The following RBFOX3 variants were observed in gnomAD, a reference collection of about 807,000 sequenced individuals.
RBFOX3 encodes the protein RNA binding protein fox-1 homolog 3.
RBFOX3 carries 17 observed loss-of-function variants against 48.7 expected under a neutral mutation model. That is an observed-to-expected ratio of 0.35 (90% CI 0.24 to 0.52). The LOEUF (loss-of-function observed/expected upper bound fraction) is 0.52. Among genes scored for constraint, RBFOX3 ranks in the 20% least tolerant of loss-of-function variants. The pLI is 0.94. For missense variants in RBFOX3, 382 were observed against 497.5 expected (o/e 0.77, Z 2.21); for synonymous variants, 212 against 209.5 (o/e 1.01, Z -0.10).
At chr17:79,485,396 G>A (rs1224055377) in intron 1 of RBFOX3, among the ~76,000 whole-genome samples, 1 of 152,104 alleles carries the variant, frequency 6.6e-6, no homozygotes, top group Non-Finnish European at 1.5e-5. Flanking sequence ...GGAATTAGAG[G>A]GAGCAAAGAC....
At chr17:79,513,527 T>C (rs2084810552) in intron 1 of RBFOX3, among the ~76,000 whole-genome samples, 1 of 152,198 alleles carries the variant, frequency 6.6e-6, no homozygotes, top group African/African-American at 2.4e-5. Context: ...CATCCTCCTG[T>C]GGACCCCCAT....
intron 2 of RBFOX3, among the ~76,000 whole-genome samples, chr17:79,464,915 C>A (rs982026608): frequency 6.6e-6 from 1 of 152,202 alleles, no homozygotes; most frequent in African/African-American, 2.4e-5. Context: ...GTCACTAACC[C>A]GATTTGACAG....
Position 79,250,697 on chromosome 17 carries a change from C to G in RBFOX3, c.-73-14892G>C, listed in dbSNP as rs973415348. Among the ~76,000 whole-genome samples the G allele has an allele frequency of 7.2e-5, 11 of 152,314 alleles. No homozygotes were observed. In the East Asian group the frequency reaches 2.1e-3, roughly 29 times the overall value. On this transcript the variant is annotated intron_variant, in intron 3 of 14. Transcript: ENST00000693108. ...AGGTGCCACAGGACAGTATCCTCTG[C>G]AAGACTCCCTTCGGCAGCCACCCCT...
chr17:79,337,640 G>C (rs1438056467), intron 2 of RBFOX3, among the ~76,000 whole-genome samples: 1 of 152,274 alleles, frequency 6.6e-6, no homozygotes, highest in East Asian at 1.9e-4. Context: ...GCCAGGTCTC[G>C]TGGCACACAC....
chr17:79,329,074 C>A (rs1383368834), intron 2 of RBFOX3, among the ~76,000 whole-genome samples: 3 of 152,126 alleles, frequency 2.0e-5, no homozygotes, highest in African/African-American at 7.2e-5. Context: ...AGGCTGGATA[C>A]AGAAAGATAG....
intron 1 of RBFOX3, among the ~76,000 whole-genome samples, chr17:79,586,566 C>T (rs1195406321): frequency 3.3e-5 from 5 of 152,216 alleles, no homozygotes; most frequent in East Asian, 1.9e-4. Flanking sequence ...AACTTCATCC[C>T]GCTTCCCAGG....
intron 2 of RBFOX3, among the ~76,000 whole-genome samples, chr17:79,327,132 A>AC (rs765592619): frequency 9.7e-4 from 147 of 151,942 alleles, no homozygotes; most frequent in African/African-American, 2.0e-3. Flanking sequence ...TGGGCTGGGT[A>AC]CCCCCCACAC....
intron 2 of RBFOX3, among the ~76,000 whole-genome samples, chr17:79,350,152 C>A (rs989778120): frequency 2.6e-5 from 4 of 152,182 alleles, no homozygotes; most frequent in Admixed American, 2.6e-4. Context: ...CTGTCCGTGG[C>A]ATTGTCCAAC....
intron 2 of RBFOX3, among the ~76,000 whole-genome samples, chr17:79,452,013 G>A (rs1224004679): frequency 2.0e-5 from 3 of 152,202 alleles, no homozygotes; most frequent in Non-Finnish European, 2.9e-5. Context: ...AGAGCCCAGA[G>A]GGCTTTACGC....
intron 2 of RBFOX3, among the ~76,000 whole-genome samples, chr17:79,427,100 A>G (rs2067526525): frequency 1.3e-5 from 2 of 152,146 alleles, no homozygotes; most frequent in Admixed American, 6.5e-5. Context: ...GAAGCTCTCT[A>G]CATCCTCAGT....
At chr17:79,165,050 G>A (rs1441909082) in intron 4 of RBFOX3, among the ~76,000 whole-genome samples, 1 of 152,044 alleles carries the variant, frequency 6.6e-6, no homozygotes. Flanking sequence ...CATGGCCCCT[G>A]AACAAAAGCA....
At chr17:79,091,547 C>T (rs964888122) in intron 14 of RBFOX3, among the ~76,000 whole-genome samples, 5 of 152,204 alleles carry the variant, frequency 3.3e-5, no homozygotes, top group Non-Finnish European at 5.9e-5. Flanking sequence ...GAAGGAGTGG[C>T]CCGCAGGCCA....
chr17:79,175,736 C>T (rs2050387386), intron 4 of RBFOX3, among the ~76,000 whole-genome samples: 1 of 152,234 alleles, frequency 6.6e-6, no homozygotes. Context: ...GGTGGCGCCT[C>T]TGAGGGTGAT....
intron 1 of RBFOX3, among the ~76,000 whole-genome samples, chr17:79,578,222 C>T (rs1172673151): frequency 5.2e-5 from 8 of 152,382 alleles, no homozygotes; most frequent in African/African-American, 1.9e-4. Context: ...AACCACAAAG[C>T]CCGGGGAAAT....
chr17:79,210,156 A>T (rs1188404454), intron 4 of RBFOX3, among the ~76,000 whole-genome samples: 1 of 151,902 alleles, frequency 6.6e-6, no homozygotes, highest in African/African-American at 2.4e-5. Context: ...GCCTGGGGGG[A>T]GGGATATGGA....
chr17:79,175,617 C>G (rs555024782), intron 4 of RBFOX3, among the ~76,000 whole-genome samples: 59 of 152,252 alleles, frequency 3.9e-4, no homozygotes, highest in Non-Finnish European at 7.3e-4. Flanking sequence ...TCTCCTGCCC[C>G]GCTGCCCTGG....
intron 1 of RBFOX3, among the ~76,000 whole-genome samples, chr17:79,483,585 A>G (rs986037477): frequency 4.7e-5 from 7 of 149,426 alleles, no homozygotes; most frequent in Non-Finnish European, 7.4e-5. Flanking sequence ...TTTCCCCACG[A>G]ATTTCCCCCC....
chr17:79,094,209 G>GC, intron 14 of RBFOX3: 1 of 431,710 alleles, frequency 2.3e-6, no homozygotes, highest in East Asian at 3.6e-5. Flanking sequence ...ACATTGGGGT[G>GC]CTTTCCAGAG....
chr17:79,146,607 C>A (rs2043087833), intron 4 of RBFOX3, among the ~76,000 whole-genome samples: 2 of 152,350 alleles, frequency 1.3e-5, no homozygotes, highest in African/African-American at 2.4e-5. Flanking sequence ...GCCAGACAAG[C>A]CTTGTGCCTC....
Sources: allele counts gnomAD v4.1 joint callset (sites outside exome capture counted in the v4.1 genomes callset), GRCh38; gene constraint gnomAD v4.1.1; transcripts MANE v1.5; gene names NCBI Gene and HGNC (gene_info 2026-07-23, HGNC 2026-07-21).